The following ARFGEF2 variants were observed in gnomAD, a reference collection of about 807,000 sequenced individuals.
The protein encoded by ARFGEF2 is ARF guanine nucleotide exchange factor 2.
Under a neutral mutation model 219.9 loss-of-function variants are expected in ARFGEF2, and 74 were observed. The ratio of observed to expected loss-of-function variants is 0.34; its 90% CI spans 0.28 to 0.41. The LOEUF (loss-of-function observed/expected upper bound fraction) is 0.41, where lower values mean the gene tolerates loss of function less well. ARFGEF2 is among the 10% of genes least tolerant of loss of function. The pLI, the probability that ARFGEF2 is intolerant of heterozygous loss-of-function variation, is 1.00. For synonymous variants in ARFGEF2, 733 were observed against 799.2 expected (o/e 0.92, Z 1.40); for missense variants, 1,743 against 2,218.3 (o/e 0.79, Z 4.30).
At chr20:48,929,442 C>T (rs2090899649) in intron 1 of ARFGEF2, among the ~76,000 whole-genome samples, 1 of 152,206 alleles carries the variant, frequency 6.6e-6, no homozygotes, top group South Asian at 2.1e-4. Flanking sequence ...TTGGGTGTCA[C>T]CCCTGGTGTC....
At chr20:48,950,617 G>A (rs1189648996) in intron 3 of ARFGEF2, among the ~76,000 whole-genome samples, 1 of 150,372 alleles carries the variant, frequency 6.7e-6, no homozygotes, top group Non-Finnish European at 1.5e-5. Context: ...AATATAGCAA[G>A]ACCCCATCTC....
At chr20:48,991,639 TC>T (rs2091358084) in intron 21 of ARFGEF2, among the ~76,000 whole-genome samples, 1 of 152,132 alleles carries the variant, frequency 6.6e-6, no homozygotes. Context: ...ATTCTAAGAT[TC>T]TCACCCAAGG....
intron 8 of ARFGEF2, among the ~76,000 whole-genome samples, chr20:48,967,030 G>T (rs2091192392): frequency 6.6e-6 from 1 of 152,078 alleles, no homozygotes; most frequent in Non-Finnish European, 1.5e-5. Context: ...ATTATTATTT[G>T]TAGAGACATG....
rs1262293975 is a variant in ARFGEF2 at position 49,012,410 on chromosome 20, G to T, written c.3918+326G>T. On this transcript the variant is annotated intron_variant, in intron 28 of 38. Transcript: ENST00000371917. Reference sequence around the variant, plus strand: ...ATTTGAAAGAAAACAAACCTCCCTTGTAGGAAATGGCATTATGTCTTTGTA... The same window carrying T: ...ATTTGAAAGAAAACAAACCTCCCTTTTAGGAAATGGCATTATGTCTTTGTA... Among the ~76,000 whole-genome samples the T allele has an allele frequency of 2.0e-5, 3 of 152,192 alleles. No individual in the cohort carries two copies. In the East Asian group the frequency reaches 5.8e-4, roughly 29 times the overall value.
At chr20:49,032,836 A>G (rs2091644673) in intron 38 of ARFGEF2, among the ~76,000 whole-genome samples, 187 bp from the exon 39 acceptor site, 1 of 151,888 alleles carries the variant, frequency 6.6e-6, no homozygotes, top group African/African-American at 2.4e-5. Context: ...CAAGCGATCC[A>G]CCTGCCTCGG....
intron 1 of ARFGEF2, among the ~76,000 whole-genome samples, chr20:48,932,776 A>C (rs2090921076): frequency 6.6e-6 from 1 of 152,184 alleles, no homozygotes; most frequent in Non-Finnish European, 1.5e-5. Context: ...CCCCAGTTCC[A>C]TATAGGGACA....
chr20:48,999,686 G>A (rs1482143911), intron 25 of ARFGEF2, among the ~76,000 whole-genome samples: 4 of 150,262 alleles, frequency 2.7e-5, no homozygotes, highest in Non-Finnish European at 5.9e-5. Context: ...GGCAGAGCTT[G>A]CAGTGAGCTG....
At chr20:48,999,343 C>T (rs2091410602) in intron 25 of ARFGEF2, 4 of 379,318 alleles carry the variant, frequency 1.1e-5, no homozygotes, top group South Asian at 5.9e-5. Flanking sequence ...ACTTCTTCCT[C>T]GTTACCAGAA....
At chr20:48,983,548 G>A (rs144524498) in intron 14 of ARFGEF2, among the ~76,000 whole-genome samples, 2 of 152,150 alleles carry the variant, frequency 1.3e-5, no homozygotes, top group South Asian at 4.1e-4. Context: ...CAGGTTTCCT[G>A]TTCTGCACCA....
intron 5 of ARFGEF2, among the ~76,000 whole-genome samples, chr20:48,953,295 C>T (rs2091083161): frequency 6.6e-6 from 1 of 151,680 alleles, no homozygotes; most frequent in African/African-American, 2.4e-5. Context: ...CCCACCTCAA[C>T]CTCCCAAGTA....
At chr20:48,955,816 T>C (rs2091102106) in intron 6 of ARFGEF2, among the ~76,000 whole-genome samples, 1 of 152,202 alleles carries the variant, frequency 6.6e-6, no homozygotes, top group South Asian at 2.1e-4. Flanking sequence ...CACACACCTG[T>C]ATTCCCAGTT....
Position 48,972,377 on chromosome 20 carries a change from T to C in ARFGEF2, c.1477T>C (p.Phe493Leu). ...LNILETSTSSFEHRWMVIQTL... is the reference protein window; with the variant it reads ...LNILETSTSSLEHRWMVIQTL... ...CATTTTAGAAACATCAACAAGTTCT[T>C]TTGAGCACAGGTGGATGGTCATTCA... is the stretch of plus-strand genomic sequence containing the variant. Residue 493 changes from phenylalanine (F) to leucine (L), a missense_variant, in exon 11 of 39, where the codon TTT (phenylalanine) becomes CTT (leucine). Coordinates refer to ENST00000371917, the MANE Select transcript of ARFGEF2 (RefSeq NM_006420.3). 6.2e-7 allele frequency: 1 copy of C among 1,614,208 alleles called. No homozygotes were observed. Among genetic ancestry groups the C allele is most frequent in the Non-Finnish European group, 8.5e-7 (1 of 1,180,018 alleles).
chr20:49,032,021 T>G, intron 37 of ARFGEF2, 28 bp from the exon 38 acceptor site: 2 of 1,441,564 alleles, frequency 1.4e-6, no homozygotes, highest in Non-Finnish European at 9.8e-7. Flanking sequence ...AATTGTTTGA[T>G]ATGCCTCCCC....
intron 26 of ARFGEF2, 49 bp from the exon 27 acceptor site, chr20:49,010,183 T>C: frequency 6.3e-7 from 1 of 1,590,352 alleles, no homozygotes; most frequent in Non-Finnish European, 8.6e-7. Context: ...TCATTTCTCT[T>C]CCCATTCTCC....
chr20:48,938,550 T>A (rs1249323030), intron 1 of ARFGEF2, among the ~76,000 whole-genome samples: 1 of 152,248 alleles, frequency 6.6e-6, no homozygotes, highest in Non-Finnish European at 1.5e-5. Flanking sequence ...TAAATATTTA[T>A]TTTTTCTTTA....
chr20:49,002,102 G>T (rs1213303234), intron 25 of ARFGEF2, among the ~76,000 whole-genome samples: 2 of 152,158 alleles, frequency 1.3e-5, no homozygotes, highest in African/African-American at 2.4e-5. Flanking sequence ...GCAGGGCGCG[G>T]TAGTGGACGC....
chr20:48,994,419 G>A (rs1371868468), intron 21 of ARFGEF2, 32 bp from the exon 22 acceptor site: 2 of 1,613,110 alleles, frequency 1.2e-6, no homozygotes, highest in East Asian at 2.2e-5. Context: ...TGTAAGGTAG[G>A]AACTCATTTC....
intron 34 of ARFGEF2, among the ~76,000 whole-genome samples, chr20:49,022,176 AT>A (rs1291237402): frequency 7.3e-5 from 11 of 151,154 alleles, no homozygotes; most frequent in Non-Finnish European, 1.5e-5. Flanking sequence ...AAAAAAAAAA[AT>A]GTTAACTAGT....
chr20:49,017,175 A>G (rs2091535659), intron 31 of ARFGEF2, 74 bp from the exon 32 acceptor site: 2 of 1,486,932 alleles, frequency 1.3e-6, no homozygotes, highest in East Asian at 2.3e-5. Context: ...AACTCACAAT[A>G]TACAGTATTT....
Sources: gnomAD v4.1 joint callset for allele counts (sites outside exome capture counted in the v4.1 genomes callset) on GRCh38, gnomAD v4.1.1 for gene constraint, MANE v1.5 for transcripts, NCBI Gene and HGNC (gene_info 2026-07-23, HGNC 2026-07-21) for gene names.